The following MSR1 variants were observed in gnomAD, a reference collection of about 807,000 sequenced individuals.
MSR1 encodes the protein macrophage scavenger receptor 1.
MSR1 carries 53 observed loss-of-function variants against 47.2 expected under a neutral mutation model. The observed-to-expected ratio is 1.12, with a 90% confidence interval of 0.90 to 1.41. The LOEUF is 1.41. MSR1 is among the 40% of genes most tolerant of loss of function. The pLI is 0.00. For missense variants in MSR1, 786 were observed against 546.9 expected (o/e 1.44, Z -4.36); for synonymous variants, 239 against 185.6 (o/e 1.29, Z -2.34).
chr8:16,154,124 T>C lies in MSR1; in HGVS notation c.898+940A>G, dbSNP rs908646072. ...CAGGTATCAAGTTCATGCTTCTCAT[T>C]TTCAAAAATTTTTCTGATGTGACCA... On this transcript the variant is annotated intron_variant, in intron 6 of 9. Transcript: ENST00000262101. Among the ~76,000 whole-genome samples, 8 of 151,878 alleles carry C rather than the reference T, an allele frequency of 5.3e-5. No individual in the cohort carries two copies. In the East Asian group the frequency reaches 1.5e-3, roughly 29 times the overall value.
In MSR1 at chr8:16,192,160, A is replaced by G. The variant is rs527505923; in HGVS notation, c.-5+438T>C. On this transcript the variant is annotated intron_variant, in intron 1 of 9. Coordinates refer to ENST00000262101, the MANE Select transcript of MSR1 (RefSeq NM_138715.3). ...TAGATACCCAGCCAATATTTGCTAT[A>G]TAATCAAGGGAAGATAATAAAAGGC... Among the ~76,000 whole-genome samples, 7 of 152,188 alleles carry G rather than the reference A, an allele frequency of 4.6e-5. No individual in the cohort carries two copies. The South Asian group carries it at 1.4e-3, about 31-fold the overall frequency.
At chr8:16,111,621 T>C (rs1799757952) in intron 9 of MSR1, among the ~76,000 whole-genome samples, 1 of 152,184 alleles carries the variant, frequency 6.6e-6, no homozygotes, top group East Asian at 1.9e-4. Flanking sequence ...TGTAAGCACA[T>C]GTTTTTAGAA....
intron 1 of MSR1, among the ~76,000 whole-genome samples, chr8:16,183,429 T>C (rs1249952258): frequency 6.6e-6 from 1 of 150,806 alleles, no homozygotes; most frequent in East Asian, 1.9e-4. Context: ...TAAATAAATA[T>C]TGAATATACT....
chr8:16,175,246 A>G lies in MSR1; in HGVS notation c.158T>C (p.Leu53Pro). Residue 53 changes from leucine (L) to proline (P), a missense_variant, in exon 3 of 10, where the codon CTG becomes CCG. Transcript: ENST00000262101. Reference protein sequence around the residue: ...QEKLKSFKAALIALYLLVFAV... With the variant: ...QEKLKSFKAAPIALYLLVFAV... Reference sequence around the variant, plus strand: ...AAACACGAGGAGGTAAAGGGCAATCAGTGCAGCTTTGAAGGACTTCAGTTT... The same window carrying G: ...AAACACGAGGAGGTAAAGGGCAATCGGTGCAGCTTTGAAGGACTTCAGTTT... 6.2e-7 allele frequency: 1 copy of G among 1,614,146 alleles called. No individual in the cohort carries two copies. Among genetic ancestry groups the G allele is most frequent in the Middle Eastern group, 1.7e-4 (1 of 6,060 alleles).
chr8:16,189,088 G>A (rs1173302685), intron 1 of MSR1, among the ~76,000 whole-genome samples: 3 of 136,462 alleles, frequency 2.2e-5, no homozygotes, highest in East Asian at 4.4e-4. Context: ...TCATATATAC[G>A]CAAAACCTTA....
intron 8 of MSR1, among the ~76,000 whole-genome samples, chr8:16,133,588 A>G (rs1053473281): frequency 6.6e-6 from 1 of 152,164 alleles, no homozygotes; most frequent in African/African-American, 2.4e-5. Flanking sequence ...GGAAGTCAAC[A>G]AGAAAAATCA....
At chr8:16,186,333 C>G (rs908477261) in intron 1 of MSR1, 7 of 738,138 alleles carry the variant, frequency 9.5e-6, no homozygotes, top group South Asian at 3.6e-5. Context: ...GGTGATCTCA[C>G]TAGCCTCATT....
intron 8 of MSR1, among the ~76,000 whole-genome samples, chr8:16,138,421 A>G (rs941326456): frequency 2.0e-5 from 3 of 152,190 alleles, no homozygotes; most frequent in African/African-American, 4.8e-5. Context: ...GCATTTTTAA[A>G]GTTGATAAAA....
intron 8 of MSR1, among the ~76,000 whole-genome samples, chr8:16,141,326 T>C (rs1454705046): frequency 6.6e-6 from 1 of 152,148 alleles, no homozygotes; most frequent in Non-Finnish European, 1.5e-5. Flanking sequence ...CAAGATTACA[T>C]GTGAGAGTGT....
At chr8:16,121,340 A>T (rs1800001829) in intron 8 of MSR1, among the ~76,000 whole-genome samples, 1 of 152,146 alleles carries the variant, frequency 6.6e-6, no homozygotes. Context: ...TGTAATGTCT[A>T]ATCAAAATGA....
chr8:16,163,554 C>T (rs944034701), intron 5 of MSR1, among the ~76,000 whole-genome samples: 1 of 150,858 alleles, frequency 6.6e-6, no homozygotes, highest in African/African-American at 2.4e-5. Context: ...ATAAAGAAAG[C>T]ATATATACAT....
intron 8 of MSR1, among the ~76,000 whole-genome samples, chr8:16,122,576 A>T (rs1248820125): frequency 6.6e-6 from 1 of 152,064 alleles, no homozygotes; most frequent in South Asian, 2.1e-4. Context: ...CTTGTCCTGG[A>T]GCAGTGGTTC....
chr8:16,137,426 C>T (rs1256871205), intron 8 of MSR1, among the ~76,000 whole-genome samples: 1 of 151,118 alleles, frequency 6.6e-6, no homozygotes, highest in Non-Finnish European at 1.5e-5. Flanking sequence ...TCTTCCTTTT[C>T]TGCCTTTCTC....
chr8:16,120,354 G>T, intron 9 of MSR1, 64 bp downstream of exon 9: 1 of 1,553,958 alleles, frequency 6.4e-7, no homozygotes, highest in Non-Finnish European at 8.9e-7. Context: ...TCCAGTCTGG[G>T]CGACAGAATG....
rs1215464350 is a variant in MSR1 at position 16,108,165 on chromosome 8, G to A, written c.*1920C>T. The A allele has an allele frequency of 1.4e-5, 2 of 147,036 alleles. No individual in the cohort carries two copies. Among genetic ancestry groups the A allele is most frequent in the Non-Finnish European group, 3.0e-5 (2 of 66,990 alleles). 9.1% of individuals were successfully genotyped at this position (147,036 alleles called of 1,614,324 possible). ...GGTTGTTAATAGTACTATTAACAGT[G>A]TCATAGTACTAGTACTAGTAATAGT... On this transcript the variant is annotated 3_prime_UTR_variant, in exon 10 of 10. Transcript: ENST00000262101.
At chr8:16,129,531 A>G (rs1246004084) in intron 8 of MSR1, among the ~76,000 whole-genome samples, 2 of 152,082 alleles carry the variant, frequency 1.3e-5, no homozygotes, top group Non-Finnish European at 2.9e-5. Flanking sequence ...AGATCATTTG[A>G]GTTTAGCAGT....
At chr8:16,124,274 T>C (rs557910469) in intron 8 of MSR1, among the ~76,000 whole-genome samples, 10 of 152,232 alleles carry the variant, frequency 6.6e-5, no homozygotes, top group African/African-American at 2.4e-4. Flanking sequence ...AAATCTTAAG[T>C]CCATTCCATA....
intron 1 of MSR1, among the ~76,000 whole-genome samples, chr8:16,178,824 G>C (rs1358638901): frequency 6.6e-6 from 1 of 152,014 alleles, no homozygotes; most frequent in Non-Finnish European, 1.5e-5. Flanking sequence ...GTATCTCATT[G>C]TGGTTTGGAT....
intron 4 of MSR1, among the ~76,000 whole-genome samples, chr8:16,165,988 G>A (rs922475692): frequency 4.6e-5 from 7 of 151,934 alleles, no homozygotes; most frequent in Admixed American, 2.0e-4. Flanking sequence ...AGGGCACACC[G>A]CCATGATAAA....
Sources: gnomAD v4.1 joint callset for allele counts (sites outside exome capture counted in the v4.1 genomes callset) on GRCh38, gnomAD v4.1.1 for gene constraint, MANE v1.5 for transcripts, NCBI Gene and HGNC (gene_info 2026-07-23, HGNC 2026-07-21) for gene names.